The following NEDD4L variants were observed in gnomAD, a reference collection of about 807,000 sequenced individuals.
NEDD4L encodes the protein E3 ubiquitin-protein ligase NEDD4-like.
In NEDD4L, 54 loss-of-function variants were observed where a neutral mutation model predicts 148.9. That is an observed-to-expected ratio of 0.36 (90% CI 0.29 to 0.45). NEDD4L has a LOEUF of 0.45. Ranked by LOEUF, NEDD4L falls within the 20% of genes least tolerant of loss-of-function variation. The pLI is 1.00. For synonymous variants in NEDD4L, 433 were observed against 440.7 expected (o/e 0.98, Z 0.22); for missense variants, 856 against 1,233.8 (o/e 0.69, Z 4.59).
At chr18:58,171,958 A>C (rs2037559724) in intron 2 of NEDD4L, among the ~76,000 whole-genome samples, 1 of 152,256 alleles carries the variant, frequency 6.6e-6, no homozygotes, top group Non-Finnish European at 1.5e-5. Context: ...ATGTTTGTGC[A>C]GAATGACTAC....
chr18:58,182,957 C>A (rs2039023404), intron 2 of NEDD4L, among the ~76,000 whole-genome samples: 1 of 152,230 alleles, frequency 6.6e-6, no homozygotes, highest in African/African-American at 2.4e-5. Flanking sequence ...GGTCCCCTGT[C>A]ATAGGAGACC....
chr18:58,209,132 C>T (rs1258646996), intron 2 of NEDD4L, among the ~76,000 whole-genome samples: 1 of 148,502 alleles, frequency 6.7e-6, no homozygotes, highest in African/African-American at 2.5e-5. Flanking sequence ...AGTTCAAACT[C>T]GGCCTGCACT....
At chr18:58,301,571 G>A (rs1395543059) in intron 5 of NEDD4L, among the ~76,000 whole-genome samples, 1 of 152,102 alleles carries the variant, frequency 6.6e-6, no homozygotes, top group African/African-American at 2.4e-5. Context: ...ATAATGCATT[G>A]GATTATAAAC....
intron 2 of NEDD4L, among the ~76,000 whole-genome samples, chr18:58,237,388 T>C (rs1050355838): frequency 2.0e-5 from 3 of 152,180 alleles, no homozygotes; most frequent in Non-Finnish European, 4.4e-5. Flanking sequence ...CTATTATTAA[T>C]AACATAAAAG....
At chr18:58,163,698 G>T (rs1320551341) in intron 1 of NEDD4L, among the ~76,000 whole-genome samples, 1 of 152,212 alleles carries the variant, frequency 6.6e-6, no homozygotes. Context: ...GTATTATGAG[G>T]ACACTGTGCT....
chr18:58,367,494 T>G (rs2046275858), intron 21 of NEDD4L, among the ~76,000 whole-genome samples: 1 of 152,180 alleles, frequency 6.6e-6, no homozygotes, highest in Admixed American at 6.5e-5. Flanking sequence ...AATAGACACT[T>G]CGTAGGTCAA....
At chr18:58,183,535 C>T (rs2039081628) in intron 2 of NEDD4L, among the ~76,000 whole-genome samples, 1 of 152,198 alleles carries the variant, frequency 6.6e-6, no homozygotes, top group Non-Finnish European at 1.5e-5. Context: ...ACACTCTTCA[C>T]CTGGGCTCTG....
At chr18:58,163,556 C>T (rs1276139294) in intron 1 of NEDD4L, among the ~76,000 whole-genome samples, 5 of 152,240 alleles carry the variant, frequency 3.3e-5, no homozygotes, top group African/African-American at 2.4e-5. Context: ...TGTTACTTTA[C>T]ATCCCTTAAT....
chr18:58,053,341 C>G (rs1306749078), intron 1 of NEDD4L, among the ~76,000 whole-genome samples: 1 of 151,886 alleles, frequency 6.6e-6, no homozygotes, highest in South Asian at 2.1e-4. Flanking sequence ...TGGAGTCTCA[C>G]TCTGTCGCCC....
rs770023899 is a variant in NEDD4L at position 58,341,716 on chromosome 18, T to C, written c.1296T>C (p.Ser432=). The change falls in exon 15 of 31, where the codon AGT becomes AGC. Residue 432 remains serine, a synonymous_variant. Transcript: ENST00000400345. ...EDGASGSATN[S]NNHLIEPQIR... is the part of the protein sequence containing the mutation. ...GTGCGTCCGGATCAGCCACAAACAG[T>C]AACAACCATCTAATCGAGCCTCAGA... 6.8e-6 allele frequency: 11 copies of C among 1,613,858 alleles called. No individual in the cohort carries two copies. Among genetic ancestry groups the C allele is most frequent in the Non-Finnish European group, 9.3e-6 (11 of 1,179,860 alleles).
chr18:58,320,977 A>G (rs2058720856), intron 6 of NEDD4L, among the ~76,000 whole-genome samples: 1 of 152,246 alleles, frequency 6.6e-6, no homozygotes, highest in Non-Finnish European at 1.5e-5. Flanking sequence ...AGAACAGTCT[A>G]GAAAATATAA....
At chr18:58,272,020 C>A (rs6566957) in intron 5 of NEDD4L, among the ~76,000 whole-genome samples, 29,230 of 152,024 alleles carry the variant, frequency 0.19, 2,995 homozygotes, top group African/African-American at 0.23. Context: ...TGCACCTCAT[C>A]CTTGGTTATT....
chr18:58,349,508 A>C (rs1409440827), intron 16 of NEDD4L, 29 bp from the exon 17 acceptor site: 2 of 1,585,630 alleles, frequency 1.3e-6, no homozygotes, highest in Non-Finnish European at 1.7e-6. Context: ...TCCACTTAGC[A>C]TCTACTGTCT....
At chr18:58,263,365 G>A (rs1320789169) in intron 5 of NEDD4L, among the ~76,000 whole-genome samples, 1 of 152,112 alleles carries the variant, frequency 6.6e-6, no homozygotes, top group Non-Finnish European at 1.5e-5. Context: ...AGATCACAGT[G>A]AGTCAAGTGA....
In NEDD4L at chr18:58,396,225, C is replaced by A; in HGVS notation, c.2884C>A (p.Leu962Ile). The A allele has an allele frequency of 6.2e-7, 1 of 1,613,658 alleles. No homozygotes were observed. The highest frequency in any genetic ancestry group is 8.5e-7 in the Non-Finnish European group (1 of 1,179,708). ...CTTTGAAGATTTACGAGAGAAACTT[C>A]TCATGGCCGTGGAAAATGCTCAAGG... Reference protein sequence around the residue: ...ETFEDLREKLLMAVENAQGFE... With the variant: ...ETFEDLREKLIMAVENAQGFE... The change falls in exon 31 of 31, where the codon CTC becomes ATC. Residue 962 changes from leucine to isoleucine, a missense_variant. Around this residue, in one of 4 missense-constraint regions of NEDD4L, gnomAD observed 286 missense variants for 531.8 expected, o/e 0.54. Coordinates refer to ENST00000400345, the MANE Select transcript of NEDD4L (RefSeq NM_001144967.3).
At chr18:58,187,967 G>A (rs996151241) in intron 2 of NEDD4L, among the ~76,000 whole-genome samples, 2 of 152,148 alleles carry the variant, frequency 1.3e-5, no homozygotes, top group African/African-American at 2.4e-5. Context: ...TGCATTTTTC[G>A]CTACTTTGCC....
At chr18:58,365,221 C>T (rs944802269) in intron 20 of NEDD4L, among the ~76,000 whole-genome samples, 1 of 152,236 alleles carries the variant, frequency 6.6e-6, no homozygotes, top group African/African-American at 2.4e-5. Flanking sequence ...TGAAATGATT[C>T]TTTGCCTTCA....
chr18:58,213,751 G>T (rs1328291455), intron 2 of NEDD4L, among the ~76,000 whole-genome samples: 1 of 151,882 alleles, frequency 6.6e-6, no homozygotes, highest in African/African-American at 2.4e-5. Context: ...GGTTTTTGTT[G>T]TTGTTGTTTT....
chr18:58,239,104 A>G (rs2046347017), intron 2 of NEDD4L, among the ~76,000 whole-genome samples: 1 of 152,230 alleles, frequency 6.6e-6, no homozygotes, highest in South Asian at 2.1e-4. Flanking sequence ...GGGTTTTGCA[A>G]TGCAACTTTC....
Sources: allele counts gnomAD v4.1 joint callset (sites outside exome capture counted in the v4.1 genomes callset), GRCh38; gene constraint gnomAD v4.1.1; regional missense constraint gnomAD v4.1.1; transcripts MANE v1.5; gene names NCBI Gene and HGNC (gene_info 2026-07-23, HGNC 2026-07-21).